Variants in PPIL1 observed in about 807,000 individuals in gnomAD.
The protein encoded by PPIL1 is peptidylprolyl isomerase like 1, also known as peptidyl-prolyl cis-trans isomerase-like 1.
Under a neutral mutation model 19.4 loss-of-function variants are expected in PPIL1, and 14 were observed. The ratio of observed to expected loss-of-function variants is 0.72; its 90% CI spans 0.48 to 1.13. The LOEUF is 1.13. PPIL1 is among the 50% of genes most tolerant of loss of function. The probability of loss-of-function intolerance (pLI) is 0.00; values close to 1 mark genes in which losing one functional copy is unlikely to be tolerated. For missense variants in PPIL1, 192 were observed against 218.0 expected, an observed-to-expected ratio of 0.88 and a Z score of 0.75; for synonymous variants, 72 against 73.6, an observed-to-expected ratio of 0.98 and a Z score of 0.11.
Position 36,856,575 on chromosome 6 carries a change from T to C in PPIL1, c.280+11A>G, listed in dbSNP as rs1157818335. ...CCGTTCCTACCCAGTCCAGCCAAAT[T>C]ATACACTTACCCGTGAATTTCAAGT... On this transcript the variant is annotated intron_variant, in intron 3 of 3. Coordinates refer to ENST00000373699, the MANE Select transcript of PPIL1 (RefSeq NM_016059.5). 6.2e-7 allele frequency: 1 copy of C among 1,613,094 alleles called. No homozygotes were observed. The highest frequency in any genetic ancestry group is 2.2e-5 in the East Asian group (1 of 44,894).
intron 2 of PPIL1, among the ~76,000 whole-genome samples, chr6:36,860,419 G>A (rs144971710): frequency 1.8e-3 from 279 of 152,040 alleles, no homozygotes; most frequent in African/African-American, 5.7e-3. Context: ...CTGTGATTGC[G>A]CCATTGCACT....
chr6:36,862,349 C>T (rs1774307367), intron 2 of PPIL1, among the ~76,000 whole-genome samples: 1 of 151,524 alleles, frequency 6.6e-6, no homozygotes, highest in Non-Finnish European at 1.5e-5. Context: ...CCTGAGCATC[C>T]CCAGCCTCCT....
chr6:36,871,822 C>T lies in PPIL1; in HGVS notation c.107G>A (p.Cys36Tyr). The part of the protein sequence containing the change: ...ELYWKHAPKT[C>Y]KNFAELARRG... ...ACGAGCCAACTCAGCAAAGTTCTTA[C>T]AGGTCTTTGGAGCATGCTTCCAGTA... Residue 36 changes from cysteine (C) to tyrosine (Y), a missense_variant, in exon 2 of 4, where the codon TGT (cysteine) becomes TAT (tyrosine). Physicochemically the swap from Cys to Tyr is radical, Grantham distance 194 (BLOSUM62 -2). Coordinates refer to ENST00000373699, the MANE Select transcript of PPIL1 (RefSeq NM_016059.5). The T allele has an allele frequency of 6.2e-7, 1 of 1,611,724 alleles. No individual in the cohort carries two copies. Among genetic ancestry groups the T allele is most frequent in the Non-Finnish European group, 8.5e-7 (1 of 1,179,144 alleles).
chr6:36,866,679 T>C (rs1156512224), intron 2 of PPIL1, among the ~76,000 whole-genome samples: 1 of 152,116 alleles, frequency 6.6e-6, no homozygotes, highest in Non-Finnish European at 1.5e-5. Flanking sequence ...TTCCAATACT[T>C]GTACCCTAAT....
intron 2 of PPIL1, among the ~76,000 whole-genome samples, chr6:36,857,578 G>C (rs911994428): frequency 6.6e-6 from 1 of 151,994 alleles, no homozygotes; most frequent in Non-Finnish European, 1.5e-5. Flanking sequence ...GGCTTCCCAA[G>C]TGCTGGGATT....
intron 2 of PPIL1, among the ~76,000 whole-genome samples, chr6:36,857,848 C>A (rs1409392315): frequency 6.6e-6 from 1 of 152,112 alleles, no homozygotes; most frequent in African/African-American, 2.4e-5. Context: ...GCAGCATCAC[C>A]ACCAAATGTT....
chr6:36,867,258 A>G (rs996778103), intron 2 of PPIL1, among the ~76,000 whole-genome samples: 17 of 152,172 alleles, frequency 1.1e-4, no homozygotes, highest in African/African-American at 3.9e-4. Flanking sequence ...TGTTTCAGTT[A>G]TTGCTATCAG....
intron 1 of PPIL1, among the ~76,000 whole-genome samples, chr6:36,872,991 G>A (rs4594944): frequency 0.75 from 114,463 of 152,184 alleles, 44,130 homozygotes; most frequent in African/African-American, 0.93. Context: ...TATATGAGGA[G>A]TGTGCTAGAA....
rs867042360 is a variant in PPIL1, at chr6:36,856,782, T to C, written c.212-128A>G. ...GAAAAGGCAGTGACACCTACCCCAC[T>C]GCTAGGTATATTGCAACTACAGAAT... On this transcript the variant is annotated intron_variant, in intron 2 of 3. Coordinates refer to ENST00000373699, the MANE Select transcript of PPIL1 (RefSeq NM_016059.5). 41 of 723,178 alleles carry C rather than the reference T, an allele frequency of 5.7e-5. 1 individual carries two copies. In the Middle Eastern group the frequency reaches 7.3e-4, roughly 13 times the overall value. The allele number at this position is 723,178 out of a possible 1,614,324, so 44.8% of individuals were successfully genotyped here.
rs1774150471 is a variant in PPIL1 at position 36,855,671 on chromosome 6, C to G, written c.*142G>C. ...ATCCTATTAAAATGTACTTCCATCTCTAACTCACCCAAGATGCCAGGCCTC... is the reference window on the plus strand; with the variant it reads ...ATCCTATTAAAATGTACTTCCATCTGTAACTCACCCAAGATGCCAGGCCTC... On this transcript the variant is annotated 3_prime_UTR_variant, in exon 4 of 4. Transcript: ENST00000373699. 1 of 780,646 alleles carries G rather than the reference C, an allele frequency of 1.3e-6. No homozygotes were observed. Among genetic ancestry groups the G allele is most frequent in the African/African-American group, 1.7e-5 (1 of 57,922 alleles). The allele number at this position is 780,646 out of a possible 1,614,324, so 48.4% of individuals were successfully genotyped here. A position where few individuals can be genotyped will look rare whatever the true frequency, so the allele number is the denominator to read the frequency against.
intron 2 of PPIL1, among the ~76,000 whole-genome samples, chr6:36,868,250 T>C (rs1281849434): frequency 1.3e-5 from 2 of 151,868 alleles, no homozygotes; most frequent in Non-Finnish European, 2.9e-5. Context: ...GTAGATAAAT[T>C]AGAGCAGTAA....
chr6:36,856,427 C>T (rs1229138141), intron 3 of PPIL1, among the ~76,000 whole-genome samples, 159 bp downstream of exon 3: 1 of 152,194 alleles, frequency 6.6e-6, no homozygotes, highest in Non-Finnish European at 1.5e-5. Context: ...TTGTGAGAGG[C>T]GCTGCTTTCT....
Position 36,855,547 on chromosome 6 carries a change from C to G in PPIL1, c.*266G>C. 2.1e-6 allele frequency: 1 copy of G among 476,870 alleles called. No homozygotes were observed. Among genetic ancestry groups the G allele is most frequent in the Non-Finnish European group, 3.9e-6 (1 of 259,218 alleles). 29.5% of individuals were successfully genotyped at this position (476,870 alleles called of 1,614,324 possible). ...CAGAGCAGACATGCACAAGAAGCAG[C>G]ATTATGGTTCATGTGTAGTAAGTAG... On this transcript the variant is annotated 3_prime_UTR_variant, in exon 4 of 4. Coordinates refer to ENST00000373699, the MANE Select transcript of PPIL1 (RefSeq NM_016059.5).
At chr6:36,866,969 C>T (rs1000719316) in intron 2 of PPIL1, among the ~76,000 whole-genome samples, 1 of 152,174 alleles carries the variant, frequency 6.6e-6, no homozygotes, top group Admixed American at 6.5e-5. Context: ...GGCAGAGAGT[C>T]CAATGGTGGC....
chr6:36,856,146 G>T, intron 3 of PPIL1, 113 bp from the exon 4 acceptor site: 1 of 1,164,022 alleles, frequency 8.6e-7, no homozygotes, highest in Non-Finnish European at 1.2e-6. Context: ...TCTGGCCTCT[G>T]TCCAGACCCA....
chr6:36,857,517 C>T (rs906186399), intron 2 of PPIL1, among the ~76,000 whole-genome samples: 1 of 151,870 alleles, frequency 6.6e-6, no homozygotes, highest in African/African-American at 2.4e-5. Context: ...GGTCTTGCTA[C>T]GTTGCCCAGG....
At position 36,855,753 on chromosome 6, in the gene PPIL1, T is replaced by G; in HGVS notation, c.*60A>C. ...ATTTAGCATTACATGTCATTCTATGTCATCTAGAAGCTGGTTCACTGGGGC... is the reference window on the plus strand; with the variant it reads ...ATTTAGCATTACATGTCATTCTATGGCATCTAGAAGCTGGTTCACTGGGGC... On this transcript the variant is annotated 3_prime_UTR_variant, in exon 4 of 4. Coordinates refer to ENST00000373699, the MANE Select transcript of PPIL1 (RefSeq NM_016059.5). 6.5e-7 allele frequency: 1 copy of G among 1,536,056 alleles called. No individual in the cohort carries two copies.
chr6:36,866,092 G>A (rs1246014786), intron 2 of PPIL1, among the ~76,000 whole-genome samples: 2 of 152,192 alleles, frequency 1.3e-5, no homozygotes, highest in Non-Finnish European at 2.9e-5. Flanking sequence ...AACTTGACAG[G>A]ATGTTATGTC....
At chr6:36,867,810 A>G (rs977127478) in intron 2 of PPIL1, among the ~76,000 whole-genome samples, 38 of 152,262 alleles carry the variant, frequency 2.5e-4, no homozygotes, top group Non-Finnish European at 5.0e-4. Flanking sequence ...ACACCTCTTC[A>G]GGCTAGAATA....
Sources: gnomAD v4.1 joint callset for allele counts (sites outside exome capture counted in the v4.1 genomes callset) on GRCh38, gnomAD v4.1.1 for gene constraint, MANE v1.5 for transcripts, NCBI Gene and HGNC (gene_info 2026-07-23, HGNC 2026-07-21) for gene names.